Variants in RGS6 observed in about 807,000 individuals in gnomAD.
RGS6 encodes regulator of G-protein signaling 6.
A neutral mutation model predicts 78.5 loss-of-function variants in RGS6; 30 were observed. The observed-to-expected ratio is 0.38, with a 90% CI of 0.29 to 0.52. The LOEUF is 0.52. Ranked by LOEUF, RGS6 falls within the 20% of genes least tolerant of loss-of-function variation. The pLI, the probability that RGS6 is intolerant of heterozygous loss-of-function variation, is 0.85. For synonymous variants in RGS6, 206 were observed against 206.0 expected (o/e 1.00, Z 0.00); for missense variants, 495 against 609.7 (o/e 0.81, Z 1.98).
intron 2 of RGS6, among the ~76,000 whole-genome samples, chr14:71,986,910 A>G (rs775699340): frequency 1.2e-4 from 19 of 152,040 alleles, no homozygotes; most frequent in Non-Finnish European, 2.5e-4. Context: ...TCTTGGCATC[A>G]TATCTCCTTC....
At chr14:72,082,576 C>A (rs1292723017) in intron 2 of RGS6, among the ~76,000 whole-genome samples, 1 of 151,712 alleles carries the variant, frequency 6.6e-6, no homozygotes, top group African/African-American at 2.4e-5. Flanking sequence ...TACTAATTAC[C>A]CTAATTTGAT....
chr14:72,263,173 T>G (rs558559898), intron 2 of RGS6, among the ~76,000 whole-genome samples: 2 of 152,352 alleles, frequency 1.3e-5, no homozygotes, highest in African/African-American at 4.8e-5. Context: ...CTTCCCCTTC[T>G]AAGTTTCTGA....
the RGS6 span, among the ~76,000 whole-genome samples, chr14:71,901,151 C>G: frequency 2.2e-5 from 1 of 46,042 alleles, no homozygotes; most frequent in Non-Finnish European, 5.3e-5. Flanking sequence ...ATATCTTTCT[C>G]AAAGTGAGTA....
chr14:71,912,964 TAC>T, the RGS6 span, among the ~76,000 whole-genome samples: 1 of 152,100 alleles, frequency 6.6e-6, no homozygotes, highest in Non-Finnish European at 1.5e-5. Context: ...TAGCTGGGAC[TAC>T]AGGTGCCCAC....
chr14:72,107,118 C>T (rs914356857), intron 2 of RGS6, among the ~76,000 whole-genome samples: 1 of 151,952 alleles, frequency 6.6e-6, no homozygotes, highest in African/African-American at 2.4e-5. Context: ...TATATGGCTA[C>T]CTTGTGGTAG....
chr14:72,395,672 A>G (rs1183041936), intron 3 of RGS6, among the ~76,000 whole-genome samples: 1 of 151,934 alleles, frequency 6.6e-6, no homozygotes, highest in Non-Finnish European at 1.5e-5. Flanking sequence ...TCCTAATGCT[A>G]TCCCTCCCCT....
intron 3 of RGS6, among the ~76,000 whole-genome samples, chr14:72,392,703 G>T (rs73293056): frequency 3.3e-5 from 5 of 152,112 alleles, no homozygotes; most frequent in African/African-American, 4.8e-5. Context: ...AAGGAGATCT[G>T]GGGGAGGGGG....
intron 2 of RGS6, among the ~76,000 whole-genome samples, chr14:72,308,406 A>G (rs1355403633): frequency 1.3e-5 from 2 of 151,954 alleles, no homozygotes; most frequent in African/African-American, 2.4e-5. Flanking sequence ...CCTCCTCCAA[A>G]CTTCATATTT....
intron 13 of RGS6, among the ~76,000 whole-genome samples, chr14:72,507,349 G>T (rs187930849): frequency 6.6e-6 from 1 of 152,164 alleles, no homozygotes; most frequent in East Asian, 1.9e-4. Flanking sequence ...ATAGAGCATG[G>T]CCCTGTCAAC....
chr14:72,545,167 T>C (rs961303489), intron 17 of RGS6, among the ~76,000 whole-genome samples: 4 of 152,252 alleles, frequency 2.6e-5, no homozygotes, highest in African/African-American at 9.6e-5. Flanking sequence ...GGTTAGTTTT[T>C]ATTGCAAACA....
At chr14:72,169,647 CTT>C (rs1397697871) in intron 2 of RGS6, among the ~76,000 whole-genome samples, 1 of 152,144 alleles carries the variant, frequency 6.6e-6, no homozygotes, top group Non-Finnish European at 1.5e-5. Context: ...ACTGTTAAAA[CTT>C]TTTCCTCCTG....
intron 2 of RGS6, among the ~76,000 whole-genome samples, chr14:72,023,962 G>C (rs11846989): frequency 0.049 from 7,491 of 152,268 alleles, 267 homozygotes; most frequent in African/African-American, 0.097. Flanking sequence ...GGGGGAGAAA[G>C]CCATGTATAC....
intron 3 of RGS6, among the ~76,000 whole-genome samples, chr14:72,374,673 C>T (rs971039850): frequency 6.6e-6 from 1 of 152,100 alleles, no homozygotes; most frequent in African/African-American, 2.4e-5. Flanking sequence ...AACAAAACAA[C>T]ATAAGGATAA....
At chr14:72,051,230 A>G (rs549928870) in intron 2 of RGS6, among the ~76,000 whole-genome samples, 50 of 152,312 alleles carry the variant, frequency 3.3e-4, no homozygotes, top group African/African-American at 1.1e-3. Flanking sequence ...TACTATTTGG[A>G]CAATAAATAG....
Position 72,465,727 on chromosome 14 carries a change from G to T in RGS6, c.395-31G>T, listed in dbSNP as rs1566914844. The T allele has an allele frequency of 2.6e-6, 4 of 1,550,142 alleles. No individual in the cohort carries two copies. The highest frequency in any genetic ancestry group is 1.1e-5 in the South Asian group (1 of 89,598). ...ATAATTCCATTGTGCTGCTGGTTTT[G>T]TACATGTTGTCATTTCCTTTCTTCC... On this transcript the variant is annotated intron_variant, in intron 6 of 17. Coordinates refer to ENST00000553525, the MANE Select transcript of RGS6 (RefSeq NM_001204424.2).
intron 2 of RGS6, among the ~76,000 whole-genome samples, chr14:72,301,620 C>T (rs1232138739): frequency 6.6e-6 from 1 of 152,182 alleles, no homozygotes; most frequent in South Asian, 2.1e-4. Flanking sequence ...AATTTGCAAT[C>T]TCAGTTCTGG....
chr14:71,868,091 A>G, the RGS6 span, among the ~76,000 whole-genome samples: 255 of 152,326 alleles, frequency 1.7e-3, no homozygotes, highest in Middle Eastern at 0.01. Flanking sequence ...GTATGGAGCC[A>G]GTGCTATCTT....
At chr14:72,173,367 A>C (rs1405421029) in intron 2 of RGS6, among the ~76,000 whole-genome samples, 2 of 152,160 alleles carry the variant, frequency 1.3e-5, no homozygotes, top group Admixed American at 6.5e-5. Flanking sequence ...CCGAGTGGGC[A>C]TGGAAAGGTA....
At chr14:72,251,487 A>G (rs2055762092) in intron 2 of RGS6, among the ~76,000 whole-genome samples, 1 of 152,180 alleles carries the variant, frequency 6.6e-6, no homozygotes, top group Admixed American at 6.5e-5. Context: ...GCACTTTCTG[A>G]GGTATTCCAA....
Sources: allele counts gnomAD v4.1 joint callset (sites outside exome capture counted in the v4.1 genomes callset), GRCh38; gene constraint gnomAD v4.1.1; transcripts MANE v1.5; gene names NCBI Gene and HGNC (gene_info 2026-07-23, HGNC 2026-07-21).